SNX14: variants seen among roughly 807,000 people sequenced by gnomAD.
SNX14 encodes the protein sorting nexin 14.
Under a neutral mutation model 133.8 loss-of-function variants are expected in SNX14, and 93 were observed. That is an observed-to-expected ratio of 0.70 (90% CI 0.59 to 0.83). SNX14 has a LOEUF of 0.83. Ranked by LOEUF, SNX14 falls within the 40% of genes least tolerant of loss-of-function variation. SNX14 has a pLI of 0.00. For synonymous variants in SNX14, 368 were observed against 365.6 expected (o/e 1.01, Z -0.07); for missense variants, 945 against 1,094.9 (o/e 0.86, Z 1.93).
chr6:85,531,686 T>C (rs1305561957), intron 18 of SNX14, among the ~76,000 whole-genome samples: 2 of 152,164 alleles, frequency 1.3e-5, no homozygotes, highest in African/African-American at 4.8e-5. Context: ...GCACATTACA[T>C]TGACAGTAGA....
intron 4 of SNX14, among the ~76,000 whole-genome samples, chr6:85,570,897 T>C (rs1795332632): frequency 6.6e-6 from 1 of 152,072 alleles, no homozygotes; most frequent in Non-Finnish European, 1.5e-5. Flanking sequence ...AGTCTTTTCT[T>C]ACTAAGTCTT....
intron 1 of SNX14, among the ~76,000 whole-genome samples, chr6:85,577,918 A>T (rs755312335): frequency 6.6e-6 from 1 of 152,240 alleles, no homozygotes; most frequent in African/African-American, 2.4e-5. Context: ...TAACCAGGCA[A>T]AAACAATTTT....
chr6:85,529,138 T>C (rs554448257), intron 19 of SNX14, among the ~76,000 whole-genome samples: 45 of 151,898 alleles, frequency 3.0e-4, no homozygotes, highest in African/African-American at 1.1e-3. Context: ...CACATGCCTA[T>C]AATCCCAGCT....
chr6:85,535,857 A>T (rs1582720509), intron 17 of SNX14, among the ~76,000 whole-genome samples: 1 of 152,076 alleles, frequency 6.6e-6, no homozygotes, highest in South Asian at 2.1e-4. Flanking sequence ...AATCAGTACT[A>T]AACACCCCTT....
At chr6:85,533,400 T>C (rs1420348841) in intron 18 of SNX14, among the ~76,000 whole-genome samples, 199 bp downstream of exon 18, 1 of 152,240 alleles carries the variant, frequency 6.6e-6, no homozygotes, top group Non-Finnish European at 1.5e-5. Context: ...TAAGTGTTGA[T>C]TGAATTAGTT....
In SNX14 at chr6:85,540,253, C is replaced by T. The variant is rs56298209; in HGVS notation, c.1449-1389G>A. ...TTGGGATTACAGGCGTGAGCCATCACGCCCGGCCATCTACCAAAGCAGGCT... is the reference window on the plus strand; with the variant it reads ...TTGGGATTACAGGCGTGAGCCATCATGCCCGGCCATCTACCAAAGCAGGCT... On this transcript the variant is annotated intron_variant, in intron 15 of 28. Coordinates refer to ENST00000314673, the MANE Select transcript of SNX14 (RefSeq NM_153816.6). Among the ~76,000 whole-genome samples, 150 of 152,288 alleles carry T rather than the reference C, an allele frequency of 9.8e-4. 1 individual carries two copies. The highest frequency in any genetic ancestry group is 6.8e-3 in the Middle Eastern group (2 of 294).
In SNX14 at chr6:85,517,883, G is replaced by A; in HGVS notation, c.2149-8C>T. 1 of 1,589,252 alleles carries A rather than the reference G, an allele frequency of 6.3e-7. No homozygotes were observed. The highest frequency in any genetic ancestry group is 2.2e-5 in the East Asian group (1 of 44,608). On this transcript the variant is annotated splice_region_variant and splice_polypyrimidine_tract_variant and intron_variant, in intron 22 of 28. Transcript: ENST00000314673. The stretch of plus-strand genomic sequence containing the variant: ...TTCCAAATGCTGACCTTTCTGTGGT[G>A]ATAGATTATTGTAAGAAAATAAAAA...
chr6:85,507,825 C>CT (rs951193633), intron 27 of SNX14, 143 bp downstream of exon 27: 3 of 459,570 alleles, frequency 6.5e-6, no homozygotes, highest in Admixed American at 4.4e-5. Flanking sequence ...TCAAATAAAA[C>CT]TTTTTTTCTA....
In SNX14 at chr6:85,583,873, T is replaced by C. The variant is rs536206844; in HGVS notation, c.141-9495A>G. Among the ~76,000 whole-genome samples, 7 of 152,246 alleles carry C rather than the reference T, an allele frequency of 4.6e-5. No homozygotes were observed. The South Asian group carries it at 1.0e-3, about 23-fold the overall frequency. ...ATCCCCATCAAGCTACCATTGACTT[T>C]CTTAACAGAATTAGAAAAAAAAATA... is the stretch of plus-strand genomic sequence containing the variant. On this transcript the variant is annotated intron_variant, in intron 1 of 28. Transcript: ENST00000314673.
intron 1 of SNX14, among the ~76,000 whole-genome samples, chr6:85,591,257 T>C (rs1802666537): frequency 6.9e-6 from 1 of 144,988 alleles, no homozygotes; most frequent in African/African-American, 2.5e-5. Flanking sequence ...CACACATAAG[T>C]TTTTTTTTTT....
Position 85,508,046 on chromosome 6 carries a change from C to G in SNX14, c.2667G>C (p.Lys889Asn). ...CATACTTGGTTTCTTCACCAATACA[C>G]TTGACTAACAGATCTAAACAAAAAG... ...MMNYIPDLLV[K>N]CIGEETKYES... is the part of the protein sequence containing the mutation. The change falls in exon 27 of 29, where the codon AAG becomes AAC. Residue 889 changes from lysine to asparagine, a missense_variant. Around this residue, in one of 3 missense-constraint regions of SNX14, gnomAD observed 412 missense variants for 516.6 expected, o/e 0.80. Transcript: ENST00000314673. The G allele has an allele frequency of 1.2e-6, 2 of 1,612,628 alleles. No individual in the cohort carries two copies. The highest frequency in any genetic ancestry group is 8.5e-7 in the Non-Finnish European group (1 of 1,179,234).
chr6:85,529,776 A>C (rs1167185187), intron 19 of SNX14, among the ~76,000 whole-genome samples: 2 of 152,210 alleles, frequency 1.3e-5, no homozygotes, highest in African/African-American at 4.8e-5. Flanking sequence ...CTTTTCTAAA[A>C]TAAAAAGATT....
At chr6:85,566,416 G>A (rs1270924560) in intron 5 of SNX14, among the ~76,000 whole-genome samples, 1 of 150,904 alleles carries the variant, frequency 6.6e-6, no homozygotes, top group Non-Finnish European at 1.5e-5. Context: ...TTAGAAATTC[G>A]GCCAGGCATG....
chr6:85,587,171 C>T (rs1381802813), intron 1 of SNX14, among the ~76,000 whole-genome samples: 1 of 151,462 alleles, frequency 6.6e-6, no homozygotes, highest in Non-Finnish European at 1.5e-5. Context: ...TGGGCCACCT[C>T]ACCCACTCTA....
intron 26 of SNX14, chr6:85,508,292 A>G: frequency 8.8e-7 from 1 of 1,133,026 alleles, no homozygotes; most frequent in Non-Finnish European, 1.1e-6. Flanking sequence ...TGCACAAGGC[A>G]TAATGCAAAC....
At chr6:85,508,171 C>A in intron 26 of SNX14, 112 bp from the exon 27 acceptor site, 1 of 1,453,456 alleles carries the variant, frequency 6.9e-7, no homozygotes, top group African/African-American at 1.4e-5. Context: ...GCAAAAACTG[C>A]AAATCAATAC....
intron 7 of SNX14, among the ~76,000 whole-genome samples, chr6:85,552,032 CTTTTT>C (rs71551482): frequency 1.3e-4 from 15 of 114,138 alleles, no homozygotes; most frequent in Non-Finnish European, 2.3e-4. Flanking sequence ...TGTTGGGAAT[CTTTTT>C]TTTTTTTTTT....
At chr6:85,526,653 G>T (rs1051857436) in intron 20 of SNX14, among the ~76,000 whole-genome samples, 3 of 152,194 alleles carry the variant, frequency 2.0e-5, no homozygotes, top group Admixed American at 1.3e-4. Flanking sequence ...ATGATAGCAT[G>T]ATACAGCTGT....
intron 1 of SNX14, 103 bp downstream of exon 1, chr6:85,593,476 C>A (rs1447730154): frequency 2.1e-6 from 3 of 1,456,018 alleles, no homozygotes; most frequent in Non-Finnish European, 2.7e-6. Flanking sequence ...CCACTGGTCC[C>A]CAGTCCCGCA....
Sources: allele counts gnomAD v4.1 joint callset (sites outside exome capture counted in the v4.1 genomes callset), GRCh38; gene constraint gnomAD v4.1.1; regional missense constraint gnomAD v4.1.1; transcripts MANE v1.5; gene names NCBI Gene and HGNC (gene_info 2026-07-23, HGNC 2026-07-21).